COL24A1: variants seen among roughly 807,000 people sequenced by gnomAD.
COL24A1 encodes collagen alpha-1(XXIV) chain.
Under a neutral mutation model 253.9 loss-of-function variants are expected in COL24A1, and 224 were observed. That is an observed-to-expected ratio of 0.88 (90% CI 0.79 to 0.99). The LOEUF is 0.99. COL24A1 is among the 50% of genes least tolerant of loss of function. COL24A1 has a pLI of 0.00. For synonymous variants in COL24A1, 685 were observed against 673.7 expected (o/e 1.02, Z -0.26); for missense variants, 2,131 against 2,068.5 (o/e 1.03, Z -0.59).
chr1:85,875,199 A>AG, intron 34 of COL24A1, 78 bp downstream of exon 34: 1 of 1,241,986 alleles, frequency 8.1e-7, no homozygotes, highest in Non-Finnish European at 1.2e-6. Context: ...TAGCAAATAT[A>AG]GGGGATTCAA....
chr1:85,868,644 A>T lies in COL24A1; in HGVS notation c.3193-18T>A, dbSNP rs1290533478. ...GGTACTCCCTGTAATGCAATAAAAA[A>T]GTTTTCTATAAAGGAATACAGTGAA... On this transcript the variant is annotated intron_variant, in intron 36 of 59. Transcript: ENST00000370571. The T allele has an allele frequency of 1.2e-6, 2 of 1,602,260 alleles. No homozygotes were observed. Among genetic ancestry groups the T allele is most frequent in the Non-Finnish European group, 1.7e-6 (2 of 1,170,370 alleles).
intron 22 of COL24A1, among the ~76,000 whole-genome samples, chr1:85,966,899 A>C (rs1691618431): frequency 6.6e-6 from 1 of 152,138 alleles, no homozygotes; most frequent in Admixed American, 6.6e-5. Context: ...ATAGGGTAAC[A>C]CCTGGGAGGG....
chr1:86,022,985 G>C lies in COL24A1; in HGVS notation c.2072C>G (p.Pro691Arg). 1 of 1,612,958 alleles carries C rather than the reference G, an allele frequency of 6.2e-7. No individual in the cohort carries two copies. Among genetic ancestry groups the C allele is most frequent in the Non-Finnish European group, 8.5e-7 (1 of 1,179,388 alleles). ...GLRGSVGPVGPIGPAGIPGPM... is the reference protein window; with the variant it reads ...GLRGSVGPVGRIGPAGIPGPM... ...GCCAGGAATTCCAGCAGGTCCAATTGGTCCCACAGGGCCAACACTGCCCTG... is the reference window on the plus strand; with the variant it reads ...GCCAGGAATTCCAGCAGGTCCAATTCGTCCCACAGGGCCAACACTGCCCTG... The change falls in exon 15 of 60, where the codon CCA becomes CGA. Residue 691 changes from proline to arginine, a missense_variant. Transcript: ENST00000370571.
chr1:86,020,942 G>A (rs1697474283), intron 18 of COL24A1, among the ~76,000 whole-genome samples: 1 of 152,004 alleles, frequency 6.6e-6, no homozygotes, highest in African/African-American at 2.4e-5. Flanking sequence ...ATAAGCCCAG[G>A]GCAAAGAACT....
chr1:85,792,350 T>C (rs1011934424), intron 47 of COL24A1, among the ~76,000 whole-genome samples: 3 of 151,514 alleles, frequency 2.0e-5, no homozygotes, highest in African/African-American at 7.3e-5. Flanking sequence ...AATATAGATA[T>C]AAATAATATA....
chr1:85,733,835 C>G (rs1663766122), intron 59 of COL24A1, among the ~76,000 whole-genome samples: 1 of 151,580 alleles, frequency 6.6e-6, no homozygotes, highest in African/African-American at 2.4e-5. Context: ...CCGCCTCAGC[C>G]TCCCAAAGTG....
At chr1:85,849,295 T>TCA in intron 38 of COL24A1, 58 bp downstream of exon 38, 1 of 1,302,836 alleles carries the variant, frequency 7.7e-7, no homozygotes, top group Non-Finnish European at 1.1e-6. Context: ...CAGCAGTCTA[T>TCA]GGAGTTCTGG....
intron 47 of COL24A1, among the ~76,000 whole-genome samples, chr1:85,807,096 C>G (rs1672054890): frequency 6.6e-6 from 1 of 152,196 alleles, no homozygotes; most frequent in Non-Finnish European, 1.5e-5. Context: ...ACCTTCCTGG[C>G]TTGTGGAGGC....
intron 43 of COL24A1, among the ~76,000 whole-genome samples, chr1:85,831,369 C>G (rs1395576730): frequency 2.0e-5 from 3 of 151,960 alleles, no homozygotes; most frequent in African/African-American, 7.2e-5. Flanking sequence ...TTCCACCATC[C>G]CTGTATGTAG....
chr1:86,125,936 CT>C lies in COL24A1; in HGVS notation c.399del (p.Gly134GlufsTer9), dbSNP rs1648214326. 1.2e-6 allele frequency: 2 copies of C among 1,613,240 alleles called. No homozygotes were observed. Among genetic ancestry groups the C allele is most frequent in the Non-Finnish European group, 1.7e-6 (2 of 1,179,750 alleles). ...AATTTTTTAGGTAGTAATTGTACTCCTAATTGCAGTCTATTTTTATTTCTAA... is the reference window on the plus strand; with the variant it reads ...AATTTTTTAGGTAGTAATTGTACTCCAATTGCAGTCTATTTTTATTTCTAA... ...FSIRNKNRLQ[L>X]GVQLLPKKLV... is the part of the protein sequence containing the mutation. On this transcript the variant is annotated frameshift_variant, in exon 3 of 60. Coordinates refer to ENST00000370571, the MANE Select transcript of COL24A1 (RefSeq NM_152890.7). LOFTEE classifies it high-confidence loss of function.
At chr1:86,119,699 T>G (rs781210249) in intron 3 of COL24A1, among the ~76,000 whole-genome samples, 3 of 152,168 alleles carry the variant, frequency 2.0e-5, no homozygotes, top group Non-Finnish European at 1.5e-5. Flanking sequence ...CTTACTTCCC[T>G]ATGCCTCTCC....
intron 5 of COL24A1, among the ~76,000 whole-genome samples, chr1:86,094,883 G>T (rs1287114953): frequency 1.3e-5 from 2 of 151,912 alleles, no homozygotes; most frequent in African/African-American, 4.8e-5. Flanking sequence ...AAGCAATAAA[G>T]CCCAGAAGAG....
chr1:85,783,874 A>T (rs1669392505), intron 50 of COL24A1, among the ~76,000 whole-genome samples: 1 of 152,168 alleles, frequency 6.6e-6, no homozygotes, highest in South Asian at 2.1e-4. Context: ...GAAAATTTTC[A>T]TAATAAACTG....
intron 43 of COL24A1, among the ~76,000 whole-genome samples, chr1:85,825,288 G>A (rs1162116420): frequency 6.6e-6 from 1 of 152,044 alleles, no homozygotes; most frequent in Non-Finnish European, 1.5e-5. Context: ...ATTCCATGGT[G>A]TATATGAGCC....
chr1:86,112,790 C>A (rs1705738214), intron 4 of COL24A1, among the ~76,000 whole-genome samples, 170 bp from the exon 5 acceptor site: 1 of 152,182 alleles, frequency 6.6e-6, no homozygotes. Flanking sequence ...CCTATACCTA[C>A]CCAAATTTTT....
chr1:86,149,076 G>A (rs1652357210), intron 1 of COL24A1, among the ~76,000 whole-genome samples: 1 of 152,092 alleles, frequency 6.6e-6, no homozygotes, highest in Non-Finnish European at 1.5e-5. Flanking sequence ...TGTATTTTTA[G>A]TAGAGACAGA....
At chr1:85,837,825 A>G (rs1044074458) in intron 43 of COL24A1, among the ~76,000 whole-genome samples, 1 of 152,208 alleles carries the variant, frequency 6.6e-6, no homozygotes. Context: ...AGAGAATGCT[A>G]TGAGCAAAGG....
At chr1:86,003,792 A>C (rs939084927) in intron 19 of COL24A1, among the ~76,000 whole-genome samples, 3 of 95,636 alleles carry the variant, frequency 3.1e-5, no homozygotes, top group Admixed American at 2.3e-4. Context: ...AAAAAAATAG[A>C]GGAAGAGAGA....
chr1:85,847,886 GATCA>G, intron 38 of COL24A1, 114 bp from the exon 39 acceptor site: 1 of 585,732 alleles, frequency 1.7e-6, no homozygotes, highest in Non-Finnish European at 3.0e-6. Context: ...CAGTATTACA[GATCA>G]CTATTAACAA....
Sources: allele counts gnomAD v4.1 joint callset (sites outside exome capture counted in the v4.1 genomes callset), GRCh38; gene constraint gnomAD v4.1.1; transcripts MANE v1.5; gene names NCBI Gene and HGNC (gene_info 2026-07-23, HGNC 2026-07-21).